The following AGTPBP1 variants were observed in gnomAD, a reference collection of about 807,000 sequenced individuals.
AGTPBP1 encodes ATP/GTP binding carboxypeptidase 1, also known as cytosolic carboxypeptidase 1.
Under a neutral mutation model 143.9 loss-of-function variants are expected in AGTPBP1, and 70 were observed. The ratio of observed to expected loss-of-function variants is 0.49; its 90% CI spans 0.40 to 0.59. The LOEUF is 0.59. Ranked by LOEUF, AGTPBP1 falls within the 20% of genes least tolerant of loss-of-function variation. AGTPBP1 has a pLI of 0.00. For synonymous variants in AGTPBP1, 463 were observed against 500.2 expected (o/e 0.93, Z 0.99); for missense variants, 1,229 against 1,464.5 (o/e 0.84, Z 2.62).
intron 13 of AGTPBP1, among the ~76,000 whole-genome samples, chr9:85,639,363 A>G (rs979519678): frequency 2.3e-5 from 3 of 133,258 alleles, no homozygotes; most frequent in African/African-American, 8.6e-5. Context: ...ATGCGCGCGC[A>G]CGCGCACACA....
chr9:85,588,510 G>C, intron 20 of AGTPBP1, 32 bp from the exon 21 acceptor site: 1 of 1,595,154 alleles, frequency 6.3e-7, no homozygotes, highest in Non-Finnish European at 8.5e-7. Context: ...AAATTAAAAT[G>C]AACAGCTACT....
Position 85,711,104 on chromosome 9 carries a change from C to T in AGTPBP1, c.32+1398G>A, listed in dbSNP as rs1397879751. Among the ~76,000 whole-genome samples the T allele has an allele frequency of 4.6e-5, 7 of 152,236 alleles. No individual in the cohort carries two copies. In the South Asian group the frequency reaches 1.2e-3, roughly 27 times the overall value. ...ACCAATGAATGTAAAGTTATATACA[C>T]GTAAACATAAGAACATTGCTACAAA... On this transcript the variant is annotated intron_variant, in intron 2 of 25. Transcript: ENST00000357081.
chr9:85,615,136 C>T (rs1830534283), intron 17 of AGTPBP1, among the ~76,000 whole-genome samples: 1 of 152,084 alleles, frequency 6.6e-6, no homozygotes, highest in Non-Finnish European at 1.5e-5. Context: ...TAAGTTAAAT[C>T]CCAATTCACA....
At chr9:85,647,311 C>G (rs1323610331) in intron 11 of AGTPBP1, among the ~76,000 whole-genome samples, 1 of 152,124 alleles carries the variant, frequency 6.6e-6, no homozygotes, top group Non-Finnish European at 1.5e-5. Context: ...CTCTGTTGGG[C>G]CACATTCAAA....
intron 17 of AGTPBP1, 93 bp downstream of exon 17, chr9:85,618,889 AT>A (rs1564069336): frequency 1.5e-6 from 2 of 1,360,270 alleles, no homozygotes; most frequent in Admixed American, 2.5e-5. Flanking sequence ...ACACTGAAAC[AT>A]TTTTTAAAAG....
At chr9:85,752,532 GA>G in the AGTPBP1 span, among the ~76,000 whole-genome samples, 2 of 152,054 alleles carry the variant, frequency 1.3e-5, no homozygotes, top group African/African-American at 4.8e-5. Context: ...CACGAAGAAT[GA>G]AAAAAACGCT....
chr9:85,672,800 T>A (rs1171654667), intron 6 of AGTPBP1, 119 bp from the exon 7 acceptor site: 2 of 711,986 alleles, frequency 2.8e-6, no homozygotes, highest in Non-Finnish European at 4.2e-6. Context: ...AGTGGCTCCA[T>A]CTCAGCTCAC....
rs1284867449 is a variant in AGTPBP1, at chr9:85,589,652, G to C, written c.2598C>G (p.His866Gln). 1 of 1,608,586 alleles carries C rather than the reference G, an allele frequency of 6.2e-7. No individual in the cohort carries two copies. The highest frequency in any genetic ancestry group is 8.5e-7 in the Non-Finnish European group (1 of 1,178,450). The stretch of plus-strand genomic sequence containing the variant: ...TCCGAAAATAGATTTGCTGAGGATT[G>C]TGTGCTGATTCCAATTTTTGAAGAT... Reference protein sequence around the residue: ...QMHLQKLESAHNPQQIYFRKD... With the variant: ...QMHLQKLESAQNPQQIYFRKD... Residue 866 changes from histidine (H) to glutamine (Q), a missense_variant, in exon 20 of 26, where the codon CAC becomes CAG. His to Gln is a conservative substitution (Grantham distance 24). This residue lies in a region of AGTPBP1 where 486 missense variants were observed against 652.3 expected (regional missense o/e 0.75). Transcript: ENST00000357081.
intron 19 of AGTPBP1, among the ~76,000 whole-genome samples, chr9:85,591,314 A>G (rs1467138488): frequency 6.6e-6 from 1 of 152,074 alleles, no homozygotes. Context: ...GATTAGCTAT[A>G]AAAGAACCCT....
At chr9:85,666,504 T>C (rs1347418371) in intron 8 of AGTPBP1, among the ~76,000 whole-genome samples, 2 of 152,156 alleles carry the variant, frequency 1.3e-5, no homozygotes, top group Non-Finnish European at 2.9e-5. Context: ...GTTTGGTCAA[T>C]GAATGGCTTG....
intron 17 of AGTPBP1, among the ~76,000 whole-genome samples, chr9:85,597,348 T>G (rs561190999): frequency 6.6e-6 from 1 of 152,042 alleles, no homozygotes; most frequent in Non-Finnish European, 1.5e-5. Flanking sequence ...TAAAATATTT[T>G]ATCTCCTCTT....
chr9:85,550,192 TGTGA>T (rs938875525), intron 25 of AGTPBP1, among the ~76,000 whole-genome samples: 187 of 145,276 alleles, frequency 1.3e-3, no homozygotes, highest in African/African-American at 3.7e-3. Flanking sequence ...TGTGTGTGTG[TGTGA>T]GAGAGAGAGA....
At chr9:85,564,644 G>C (rs1826962056) in intron 25 of AGTPBP1, among the ~76,000 whole-genome samples, 1 of 152,200 alleles carries the variant, frequency 6.6e-6, no homozygotes. Context: ...ATGCTGTACA[G>C]GCTTGTAGCC....
intron 25 of AGTPBP1, among the ~76,000 whole-genome samples, chr9:85,548,956 T>A (rs1437433396): frequency 6.6e-6 from 1 of 152,318 alleles, no homozygotes; most frequent in Admixed American, 6.5e-5. Flanking sequence ...ATTACAGGTG[T>A]GAGCCACCAC....
chr9:85,739,708 C>T (rs1241171321), intron 1 of AGTPBP1, among the ~76,000 whole-genome samples: 1 of 82,050 alleles, frequency 1.2e-5, no homozygotes, highest in African/African-American at 4.7e-5. Context: ...AACTCCGTCT[C>T]AAAAAAAAAA....
At chr9:85,775,870 C>A in the AGTPBP1 span, among the ~76,000 whole-genome samples, 9 of 152,098 alleles carry the variant, frequency 5.9e-5, no homozygotes, top group Admixed American at 2.0e-4. Context: ...GATCTGCCTT[C>A]CCCAGCCCAC....
chr9:85,581,353 GA>G (rs1238737502), intron 23 of AGTPBP1, among the ~76,000 whole-genome samples: 2 of 152,234 alleles, frequency 1.3e-5, no homozygotes, highest in African/African-American at 4.8e-5. Flanking sequence ...AACTGACTCA[GA>G]TGTCTTAGTG....
intron 3 of AGTPBP1, among the ~76,000 whole-genome samples, chr9:85,691,539 GTGTGTGTGT>G (rs1564149909): frequency 1.6e-4 from 23 of 146,448 alleles, no homozygotes; most frequent in African/African-American, 5.9e-4. Context: ...AAAAGAGGGT[GTGTGTGTGT>G]GTGTGTGTGT....
At chr9:85,736,969 G>A (rs914688301) in intron 1 of AGTPBP1, among the ~76,000 whole-genome samples, 55 of 152,318 alleles carry the variant, frequency 3.6e-4, no homozygotes, top group African/African-American at 1.3e-3. Flanking sequence ...AGCCAGGCGT[G>A]GTGGTAGGCG....
Sources: allele counts gnomAD v4.1 joint callset (sites outside exome capture counted in the v4.1 genomes callset), GRCh38; gene constraint gnomAD v4.1.1; regional missense constraint gnomAD v4.1.1; transcripts MANE v1.5; gene names NCBI Gene and HGNC (gene_info 2026-07-23, HGNC 2026-07-21).